SLC14A2: variants seen among roughly 807,000 people sequenced by gnomAD.
SLC14A2 encodes urea transporter 2.
Under a neutral mutation model 104.6 loss-of-function variants are expected in SLC14A2, and 91 were observed. That is an observed-to-expected ratio of 0.87 (90% CI 0.73 to 1.04). The LOEUF is 1.04. Ranked by LOEUF, SLC14A2 falls within the 50% of genes least tolerant of loss-of-function variation. The pLI, the probability that SLC14A2 is intolerant of heterozygous loss-of-function variation, is 0.00. For synonymous variants in SLC14A2, 476 were observed against 466.4 expected, an observed-to-expected ratio of 1.02 and a Z score of -0.27; for missense variants, 1,189 against 1,156.0, an observed-to-expected ratio of 1.03 and a Z score of -0.41.
chr18:45,575,736 G>T (rs750544212), intron 2 of SLC14A2, among the ~76,000 whole-genome samples: 4 of 151,946 alleles, frequency 2.6e-5, no homozygotes, highest in African/African-American at 7.2e-5. Flanking sequence ...AATCAAAATA[G>T]TTGAAGGCTC....
chr18:45,608,043 C>T (rs1733848352), intron 2 of SLC14A2, among the ~76,000 whole-genome samples: 2 of 152,348 alleles, frequency 1.3e-5, no homozygotes, highest in Non-Finnish European at 2.9e-5. Flanking sequence ...GACCCCATTC[C>T]TGGGCATTAA....
intron 1 of SLC14A2, among the ~76,000 whole-genome samples, chr18:45,219,098 G>A (rs62092119): frequency 6.6e-6 from 1 of 152,116 alleles, no homozygotes; most frequent in Non-Finnish European, 1.5e-5. Context: ...GCTGACCTCA[G>A]TGGATTGTGA....
At position 45,377,718 on chromosome 18, in the gene SLC14A2, C is replaced by A. The variant is rs186699509; in HGVS notation, c.-124-105515C>A. 9.1e-4 allele frequency among the ~76,000 whole-genome samples: 139 copies of A among 152,314 alleles called. 3 individuals are homozygous for A. In the Middle Eastern group the frequency reaches 0.044, roughly 48 times the overall value. On this transcript the variant is annotated intron_variant, in intron 1 of 20. Transcript: ENST00000586448. The stretch of plus-strand genomic sequence containing the variant: ...TGCATTTTCACTCCCACTTCCAATC[C>A]ATCCCAAACTTCCAGATGCACTTTT...
chr18:45,446,014 C>G (rs16978372), intron 1 of SLC14A2, among the ~76,000 whole-genome samples: 1 of 152,024 alleles, frequency 6.6e-6, no homozygotes. Flanking sequence ...TCACTGGGTT[C>G]TAACTTAGGC....
chr18:45,434,783 T>G (rs1029073705), intron 1 of SLC14A2, among the ~76,000 whole-genome samples: 2 of 152,180 alleles, frequency 1.3e-5, no homozygotes, highest in Non-Finnish European at 2.9e-5. Context: ...TTGATAGAGG[T>G]GAATAGCTAT....
intron 2 of SLC14A2, among the ~76,000 whole-genome samples, chr18:45,497,735 C>A (rs73955840): frequency 0.011 from 1,695 of 152,258 alleles, 27 homozygotes; most frequent in African/African-American, 0.039. Flanking sequence ...TATGCCACAT[C>A]CTGCCATGGG....
intron 1 of SLC14A2, among the ~76,000 whole-genome samples, chr18:45,340,437 G>A (rs949988444): frequency 2.0e-5 from 3 of 152,192 alleles, no homozygotes; most frequent in African/African-American, 7.2e-5. Context: ...TCCAGAGTTT[G>A]TGAAGATAAA....
At chr18:45,326,064 C>G (rs1162206482) in intron 1 of SLC14A2, among the ~76,000 whole-genome samples, 1 of 152,244 alleles carries the variant, frequency 6.6e-6, no homozygotes, top group Non-Finnish European at 1.5e-5. Flanking sequence ...CATTCACACC[C>G]ACCCAGGCCT....
At chr18:45,241,492 C>T (rs11664621) in intron 1 of SLC14A2, among the ~76,000 whole-genome samples, 48,087 of 151,872 alleles carry the variant, frequency 0.32, 8,366 homozygotes, top group African/African-American at 0.47. Context: ...CGCTTGGCCA[C>T]TGGGTCCCTG....
chr18:45,192,614 T>TTGTG, the SLC14A2 span, among the ~76,000 whole-genome samples: 39 of 146,514 alleles, frequency 2.7e-4, no homozygotes, highest in African/African-American at 7.8e-4. Flanking sequence ...GGTAGTGGTT[T>TTGTG]TGTGTGTGTG....
chr18:45,417,102 G>A (rs1413566083), intron 1 of SLC14A2, among the ~76,000 whole-genome samples: 2 of 152,190 alleles, frequency 1.3e-5, no homozygotes, highest in African/African-American at 4.8e-5. Flanking sequence ...CTAGGGGTTG[G>A]TGGGTTTAAA....
chr18:45,362,201 TAAGTTTC>T (rs1362149428), intron 1 of SLC14A2, among the ~76,000 whole-genome samples: 6 of 152,270 alleles, frequency 3.9e-5, no homozygotes, highest in African/African-American at 1.4e-4. Context: ...ACCACGATTG[TAAGTTTC>T]CTGAGGCCTC....
chr18:45,203,527 C>T, the SLC14A2 span, among the ~76,000 whole-genome samples: 5 of 152,154 alleles, frequency 3.3e-5, no homozygotes, highest in Admixed American at 6.5e-5. Flanking sequence ...AATAAAAATA[C>T]AACACTGTGT....
rs551095787 is a variant in SLC14A2 at position 45,218,727 on chromosome 18, A to C, written c.-125+5536A>C. 3.3e-5 allele frequency among the ~76,000 whole-genome samples: 5 copies of C among 152,292 alleles called. No individual in the cohort carries two copies. The South Asian group carries it at 1.0e-3, about 32-fold the overall frequency. On this transcript the variant is annotated intron_variant, in intron 1 of 20. Transcript: ENST00000586448. ...GTCTTTGAAGTGGCTAGAGACATCA[A>C]ACCACTAACTGGAGGAACACTAGTT...
At chr18:45,500,404 C>T (rs191231006) in intron 2 of SLC14A2, among the ~76,000 whole-genome samples, 147 of 152,040 alleles carry the variant, frequency 9.7e-4, no homozygotes, top group Non-Finnish European at 1.7e-3. Flanking sequence ...GGTGAAACCC[C>T]GTCTCTACTA....
intron 1 of SLC14A2, among the ~76,000 whole-genome samples, chr18:45,396,103 T>G (rs773919000): frequency 3.9e-5 from 6 of 152,206 alleles, no homozygotes; most frequent in Non-Finnish European, 8.8e-5. Flanking sequence ...TTCATTTAAC[T>G]TCTAGCAAAT....
At chr18:45,524,956 AT>A (rs941450962) in intron 2 of SLC14A2, among the ~76,000 whole-genome samples, 14 of 152,230 alleles carry the variant, frequency 9.2e-5, no homozygotes, top group Non-Finnish European at 1.8e-4. Context: ...TCTCCTTATT[AT>A]CAAGATGAAA....
intron 2 of SLC14A2, among the ~76,000 whole-genome samples, chr18:45,542,035 GTTTTTTTTTTTTTTTTTTT>G (rs60977948): frequency 1.8e-3 from 96 of 54,236 alleles, no homozygotes; most frequent in Middle Eastern, 0.014. Flanking sequence ...AAGAGAGAGG[GTTTTTTTTTTTTTTTTTTT>G]TTTTTTTTTT....
Position 45,391,877 on chromosome 18 carries a change from G to A in SLC14A2, c.-124-91356G>A, listed in dbSNP as rs929915041. Among the ~76,000 whole-genome samples the A allele has an allele frequency of 5.9e-5, 9 of 152,288 alleles. 1 individual carries two copies. The East Asian group carries it at 1.7e-3, about 29-fold the overall frequency. On this transcript the variant is annotated intron_variant, in intron 1 of 20. Transcript: ENST00000586448. ...AACATTTTCTCCCATTTTGTGGGTT[G>A]CCTGTTCACTCTGATGGTGGTTTCT...
Sources: allele counts gnomAD v4.1 joint callset (sites outside exome capture counted in the v4.1 genomes callset), GRCh38; gene constraint gnomAD v4.1.1; transcripts MANE v1.5; gene names NCBI Gene and HGNC (gene_info 2026-07-23, HGNC 2026-07-21).